DMD: variants seen among roughly 807,000 people sequenced by gnomAD.
DMD encodes dystrophin, also known as mutant dystrophin.
DMD carries 63 observed loss-of-function variants against 330.1 expected under a neutral mutation model. That is an observed-to-expected ratio of 0.19 (90% CI 0.16 to 0.24). The LOEUF (loss-of-function observed/expected upper bound fraction) is 0.24. Ranked by LOEUF, DMD falls within the 10% of genes least tolerant of loss-of-function variation. DMD has a pLI of 1.00. For missense variants in DMD, 3,344 were observed against 2,684.1 expected, an observed-to-expected ratio of 1.25 and a Z score of -5.43; for synonymous variants, 1,223 against 959.8, an observed-to-expected ratio of 1.27 and a Z score of -5.07.
intron 62 of DMD, among the ~76,000 whole-genome samples, chrX:31,277,075 T>A (rs1057060126): frequency 1.8e-5 from 2 of 112,009 alleles, no homozygotes; most frequent in African/African-American, 6.5e-5. Flanking sequence ...ATAAAAATTG[T>A]ATATCTTTAT....
At chrX:32,371,692 T>C (rs1260251067) in intron 34 of DMD, among the ~76,000 whole-genome samples, 1 of 111,364 alleles carries the variant, frequency 9.0e-6, no homozygotes, top group Non-Finnish European at 1.9e-5. Flanking sequence ...TATGGTTATG[T>C]TTTCGTGATC....
At position 32,485,057 on chromosome X, in the gene DMD, G is replaced by T. The variant is rs1060502639; in HGVS notation, c.2665C>A (p.Arg889=). The T allele has an allele frequency of 1.7e-6, 2 of 1,211,064 alleles. No individual in the cohort carries two copies. Among genetic ancestry groups the T allele is most frequent in the East Asian group, 5.9e-5 (2 of 33,826 alleles). ...RLSDLQPQIE[R]LKIQSIALKE... ...AGGGCTATGCTTTGAATTTTTAATC[G>T]TTCAATTTGAGGTTGAAGATCTGAT... Residue 889 remains arginine (R), a synonymous_variant, in exon 21 of 79, where the codon CGA becomes AGA. Coordinates refer to ENST00000357033, the MANE Select transcript of DMD (RefSeq NM_004006.3).
chrX:33,068,730 T>C, intron 1 of DMD, among the ~76,000 whole-genome samples: 1 of 112,520 alleles, frequency 8.9e-6, no homozygotes, highest in South Asian at 3.6e-4. Context: ...GTTAAAAATC[T>C]GACTTTGTGA....
intron 43 of DMD, among the ~76,000 whole-genome samples, chrX:32,240,432 G>T (rs2097203892): frequency 9.0e-6 from 1 of 111,196 alleles, no homozygotes; most frequent in Non-Finnish European, 1.9e-5. Flanking sequence ...GAGAAGACAG[G>T]AAATGAGCTT....
chrX:32,850,391 C>T (rs1180265440), intron 2 of DMD, among the ~76,000 whole-genome samples: 1 of 111,941 alleles, frequency 8.9e-6, no homozygotes, highest in East Asian at 2.8e-4. Flanking sequence ...CTATTTTACT[C>T]AGTTCTTTGC....
intron 55 of DMD, among the ~76,000 whole-genome samples, chrX:31,535,839 C>T (rs142586358): frequency 6.5e-4 from 73 of 111,476 alleles, no homozygotes; most frequent in African/African-American, 1.8e-3. Context: ...CAGTCTAATC[C>T]GGGGTTTTCT....
intron 12 of DMD, among the ~76,000 whole-genome samples, chrX:32,603,059 G>A (rs988111375): frequency 9.0e-6 from 1 of 111,171 alleles, no homozygotes; most frequent in Non-Finnish European, 1.9e-5. Flanking sequence ...ACCACAGAAT[G>A]TACATTATTC....
intron 50 of DMD, among the ~76,000 whole-genome samples, chrX:31,785,848 T>C (rs756704419): frequency 1.3e-3 from 146 of 112,028 alleles, no homozygotes; most frequent in African/African-American, 4.7e-3. Context: ...TCCAGTCTAT[T>C]ATTGATGGAC....
At chrX:32,971,214 G>A (rs2092368167) in intron 2 of DMD, among the ~76,000 whole-genome samples, 1 of 111,468 alleles carries the variant, frequency 9.0e-6, no homozygotes, top group Admixed American at 9.6e-5. Flanking sequence ...CGCTTGCCTT[G>A]GCCTCCCAAA....
intron 15 of DMD, among the ~76,000 whole-genome samples, chrX:32,567,020 TTGCCCATGAAGCAAAG>T (rs2051801889): frequency 8.9e-6 from 1 of 112,044 alleles, no homozygotes; most frequent in Non-Finnish European, 1.9e-5. Flanking sequence ...AATGCACCAA[TTGCCCATGAAGCAAAG>T]TGCCCCAAAC....
chrX:31,760,602 A>G (rs2089498433), intron 51 of DMD, among the ~76,000 whole-genome samples: 1 of 111,787 alleles, frequency 8.9e-6, no homozygotes, highest in South Asian at 3.7e-4. Context: ...AGTAGGATGT[A>G]CCATCTAGGT....
chrX:32,469,805 C>A (rs1197858663), intron 22 of DMD, among the ~76,000 whole-genome samples: 10 of 111,079 alleles, frequency 9.0e-5, no homozygotes, highest in South Asian at 3.7e-4. Context: ...GTTTTCCACT[C>A]CTGTAAATTA....
intron 2 of DMD, among the ~76,000 whole-genome samples, chrX:32,859,505 A>ACACACACG (rs1196332140): frequency 1.8e-4 from 16 of 90,602 alleles, no homozygotes; most frequent in African/African-American, 7.8e-4. Flanking sequence ...ACACACACAC[A>ACACACACG]CACACAAGTT....
At chrX:31,383,135 T>G (rs1259495640) in intron 60 of DMD, among the ~76,000 whole-genome samples, 2 of 111,489 alleles carry the variant, frequency 1.8e-5, no homozygotes, top group Admixed American at 1.9e-4. Flanking sequence ...TCCTGGCTCT[T>G]CCTGGCTCAA....
At chrX:32,305,257 G>A (rs2097536204) in intron 42 of DMD, among the ~76,000 whole-genome samples, 2 of 111,452 alleles carry the variant, frequency 1.8e-5, no homozygotes, top group South Asian at 7.4e-4. Flanking sequence ...CTTAAGAGCT[G>A]TGAAACAGAT....
chrX:31,239,496 A>C (rs1471917110), intron 63 of DMD, among the ~76,000 whole-genome samples: 1 of 111,490 alleles, frequency 9.0e-6, no homozygotes, highest in Non-Finnish European at 1.9e-5. Flanking sequence ...CATCAACTAG[A>C]ATCCAAGTCT....
chrX:31,453,337 T>C (rs1015299697), intron 59 of DMD, among the ~76,000 whole-genome samples: 5 of 110,720 alleles, frequency 4.5e-5, no homozygotes, highest in Non-Finnish European at 9.5e-5. Flanking sequence ...AATTTTTGTA[T>C]TTTTAGTAGA....
At chrX:32,000,104 C>T (rs988607144) in intron 44 of DMD, among the ~76,000 whole-genome samples, 1 of 112,325 alleles carries the variant, frequency 8.9e-6, no homozygotes, top group Non-Finnish European at 1.9e-5. Context: ...TGGGTGAAAC[C>T]TCTTCAAATT....
intron 44 of DMD, among the ~76,000 whole-genome samples, chrX:31,988,473 C>CAAAAAAAAAAAAAAA (rs11352664): frequency 4.1e-5 from 1 of 24,150 alleles, no homozygotes; most frequent in Admixed American, 8.5e-4. Flanking sequence ...GACTCCATCT[C>CAAAAAAAAAAAAAAA]AAAAAAAAAA....
Sources: gnomAD v4.1 joint callset for allele counts (sites outside exome capture counted in the v4.1 genomes callset) on GRCh38, gnomAD v4.1.1 for gene constraint, MANE v1.5 for transcripts, NCBI Gene and HGNC (gene_info 2026-07-23, HGNC 2026-07-21) for gene names.